The following TBC1D8B variants were observed in gnomAD, a reference collection of about 807,000 sequenced individuals.
The protein encoded by TBC1D8B is TBC1 domain family member 8B, also known as RP11-321G1.1.
TBC1D8B carries 75 observed loss-of-function variants against 82.9 expected under a neutral mutation model. That is an observed-to-expected ratio of 0.90 (90% CI 0.75 to 1.10). The LOEUF is 1.10. TBC1D8B is among the 50% of genes least tolerant of loss of function. TBC1D8B has a pLI of 0.00. For missense variants in TBC1D8B, 794 were observed against 796.9 expected, an observed-to-expected ratio of 1.00 and a Z score of 0.04; for synonymous variants, 276 against 276.8, an observed-to-expected ratio of 1.00 and a Z score of 0.03.
chrX:106,866,777 A>G lies in TBC1D8B; in HGVS notation c.2663-20A>G. ...GTTCTTTAGATACATGATTATTTAC[A>G]ATTGAATTTTATTGAACAGACATAA... On this transcript the variant is annotated intron_variant, in intron 16 of 20. Transcript: ENST00000357242. The G allele has an allele frequency of 4.6e-6, 5 of 1,079,828 alleles. No individual in the cohort carries two copies. The highest frequency in any genetic ancestry group is 6.3e-6 in the Non-Finnish European group (5 of 799,732). 89.0% of individuals were successfully genotyped at this position (1,079,828 alleles called of 1,213,427 possible).
chrX:106,849,184 A>G (rs1932529850), intron 11 of TBC1D8B: 1 of 1,050,706 alleles, frequency 9.5e-7, no homozygotes, highest in Admixed American at 3.0e-5. Flanking sequence ...TGGTTAGGTC[A>G]TCGATTTTAC....
intron 7 of TBC1D8B, among the ~76,000 whole-genome samples, chrX:106,832,914 A>G (rs751637353): frequency 9.0e-6 from 1 of 111,180 alleles, no homozygotes; most frequent in South Asian, 3.8e-4. Flanking sequence ...ATAAATTTGG[A>G]AAATGATTTT....
intron 2 of TBC1D8B, 142 bp downstream of exon 2, chrX:106,818,915 C>T: frequency 2.3e-6 from 1 of 436,973 alleles, no homozygotes; most frequent in South Asian, 5.1e-5. Context: ...AATAGCAAGA[C>T]CTCTATTTTT....
chrX:106,802,999 C>A lies in TBC1D8B; in HGVS notation c.130+16C>A, dbSNP rs1235760443. On this transcript the variant is annotated intron_variant, in intron 1 of 20. Transcript: ENST00000357242. ...GGGCTCACAGGTAAGCTGTGGCCAC[C>A]CTACCTGCCTCTGGGCTGTGTTCGC... 1 of 1,187,533 alleles carries A rather than the reference C, an allele frequency of 8.4e-7. No individual in the cohort carries two copies. Among genetic ancestry groups the A allele is most frequent in the Middle Eastern group, 2.6e-4 (1 of 3,899 alleles).
At chrX:106,866,110 C>T in intron 16 of TBC1D8B, 77 bp downstream of exon 16, 3 of 978,245 alleles carry the variant, frequency 3.1e-6, no homozygotes, top group Non-Finnish European at 2.8e-6. Flanking sequence ...CCAATTTAGT[C>T]AGATTATATC....
At chrX:106,870,678 G>A in intron 19 of TBC1D8B, 38 bp from the exon 20 acceptor site, 1 of 911,710 alleles carries the variant, frequency 1.1e-6, no homozygotes, top group Non-Finnish European at 1.6e-6. Context: ...AGTATAGTGG[G>A]CTGTTCCTTA....
In TBC1D8B at chrX:106,875,228, T is replaced by C. The variant is rs1005404222; in HGVS notation, c.*1263T>C. On this transcript the variant is annotated 3_prime_UTR_variant, in exon 21 of 21. Transcript: ENST00000357242. ...AATCATTCATTGGAGCTTCTTTCTT[T>C]AGAAAAGACTTTGGTTATAAGCCTT... 16 of 111,954 alleles carry C rather than the reference T, an allele frequency of 1.4e-4. No homozygotes were observed. Among genetic ancestry groups the C allele is most frequent in the Admixed American group, 9.5e-5 (1 of 10,472 alleles). 9.2% of individuals were successfully genotyped at this position (111,954 alleles called of 1,213,427 possible).
intron 5 of TBC1D8B, among the ~76,000 whole-genome samples, chrX:106,823,804 G>A (rs920232785): frequency 8.9e-6 from 1 of 111,837 alleles, no homozygotes; most frequent in African/African-American, 3.2e-5. Flanking sequence ...AGTCTAGACA[G>A]TTTGGGTCTG....
At chrX:106,806,648 A>G (rs1002726830) in intron 1 of TBC1D8B, among the ~76,000 whole-genome samples, 1 of 111,433 alleles carries the variant, frequency 9.0e-6, no homozygotes, top group African/African-American at 3.3e-5. Flanking sequence ...TGAATTTTCC[A>G]TATCTGAATA....
intron 14 of TBC1D8B, among the ~76,000 whole-genome samples, chrX:106,860,120 T>A (rs1422059149): frequency 9.0e-6 from 1 of 111,630 alleles, no homozygotes; most frequent in Non-Finnish European, 1.9e-5. Flanking sequence ...TTTTTGCATC[T>A]GTTCTCCTCA....
In TBC1D8B at chrX:106,809,609, C is replaced by T. The variant is rs191527011; in HGVS notation, c.130+6626C>T. Among the ~76,000 whole-genome samples the T allele has an allele frequency of 1.8e-4, 20 of 111,034 alleles. No homozygotes were observed. The East Asian group carries it at 4.3e-3, about 24-fold the overall frequency. ...TAAGACAGGAATAGTTCTGGCCAGG[C>T]GCAGTGGCTCACACCTGTAATCCCA... On this transcript the variant is annotated intron_variant, in intron 1 of 20. Coordinates refer to ENST00000357242, the MANE Select transcript of TBC1D8B (RefSeq NM_017752.3).
chrX:106,856,150 T>C (rs948132896), intron 14 of TBC1D8B, among the ~76,000 whole-genome samples: 3 of 112,558 alleles, frequency 2.7e-5, no homozygotes, highest in African/African-American at 9.6e-5. Context: ...TAATTTCTTC[T>C]CTTAATTGCC....
chrX:106,840,748 C>G lies in TBC1D8B; in HGVS notation c.1583C>G (p.Ala528Gly). 8.3e-7 allele frequency: 1 copy of G among 1,211,296 alleles called. No individual in the cohort carries two copies. The highest frequency in any genetic ancestry group is 1.7e-5 in the African/African-American group (1 of 57,773). ...VEQSLGTCNL[A>G]TEEIERDLRR... is the part of the protein sequence containing the mutation. Reference sequence around the variant, plus strand: ...CAGTCCTTAGGGACCTGCAACTTGGCTACTGAAGAAATTGAACGTGATTTA... The same window carrying G: ...CAGTCCTTAGGGACCTGCAACTTGGGTACTGAAGAAATTGAACGTGATTTA... Residue 528 changes from alanine (A) to glycine (G), a missense_variant, in exon 10 of 21, where the codon GCT (alanine) becomes GGT (glycine). By Grantham distance (60) the Ala-to-Gly change is moderately conservative. Coordinates refer to ENST00000357242, the MANE Select transcript of TBC1D8B (RefSeq NM_017752.3).
intron 14 of TBC1D8B, among the ~76,000 whole-genome samples, chrX:106,857,729 T>C (rs2147767080): frequency 8.9e-6 from 1 of 112,304 alleles, no homozygotes; most frequent in Non-Finnish European, 1.9e-5. Context: ...TCCATGTTGC[T>C]CCAAAGAACA....
In TBC1D8B at chrX:106,868,568, G is replaced by A. The variant is rs1932828459; in HGVS notation, c.2812+92G>A. 5.4e-6 allele frequency: 3 copies of A among 551,912 alleles called. No individual in the cohort carries two copies. In the African/African-American group the frequency reaches 7.2e-5, roughly 13 times the overall value. 45.5% of individuals were successfully genotyped at this position (551,912 alleles called of 1,213,427 possible). The stretch of plus-strand genomic sequence containing the variant: ...GATATACTTTACCCAACTAAAATTG[G>A]GCTTCATTTTAACTTATACTTCTTT... On this transcript the variant is annotated intron_variant, in intron 18 of 20. Transcript: ENST00000357242.
intron 20 of TBC1D8B, among the ~76,000 whole-genome samples, chrX:106,872,582 G>A (rs1354539940): frequency 9.4e-6 from 1 of 106,617 alleles, no homozygotes; most frequent in Non-Finnish European, 1.9e-5. Flanking sequence ...AGGTCAAAGT[G>A]CAGCCTAATT....
rs754288435 is a variant in TBC1D8B at position 106,823,420 on chromosome X, T to C, written c.781T>C (p.Phe261Leu). 3 of 1,210,237 alleles carry C rather than the reference T, an allele frequency of 2.5e-6. No homozygotes were observed. The highest frequency in any genetic ancestry group is 3.4e-6 in the Non-Finnish European group (3 of 894,410). The change falls in exon 5 of 21, where the codon TTT becomes CTT. Residue 261 changes from phenylalanine (F) to leucine (L), a missense_variant. Physicochemically the swap from Phe to Leu is conservative, Grantham distance 22. Transcript: ENST00000357242. ...AIRRLFDKET[F>L]DNDPVLYNPL... ...TAGAAGACTTTTTGATAAGGAAACA[T>C]TTGATAATGACCCAGTCCTTTATAA...
chrX:106,862,673 GT>G (rs1932783593), intron 14 of TBC1D8B, among the ~76,000 whole-genome samples: 1 of 105,477 alleles, frequency 9.5e-6, no homozygotes. Context: ...TGACACTCTG[GT>G]TTTTTGAGTT....
intron 5 of TBC1D8B, among the ~76,000 whole-genome samples, chrX:106,825,564 C>T (rs1244467260): frequency 4.5e-5 from 5 of 110,976 alleles, no homozygotes; most frequent in African/African-American, 1.6e-4. Context: ...TTTTTAATAT[C>T]GTCTTTAATA....
Sources: allele counts gnomAD v4.1 joint callset (sites outside exome capture counted in the v4.1 genomes callset), GRCh38; gene constraint gnomAD v4.1.1; transcripts MANE v1.5; gene names NCBI Gene and HGNC (gene_info 2026-07-23, HGNC 2026-07-21).